TAOK3: variants seen among roughly 807,000 people sequenced by gnomAD.
The protein encoded by TAOK3 is TAO kinase 3.
Under a neutral mutation model 120.4 loss-of-function variants are expected in TAOK3, and 40 were observed. The ratio of observed to expected loss-of-function variants is 0.33; its 90% CI spans 0.26 to 0.43. The LOEUF is 0.43. TAOK3 is among the 20% of genes least tolerant of loss of function. TAOK3 has a pLI of 1.00. For missense variants in TAOK3, 821 were observed against 1,112.1 expected (o/e 0.74, Z 3.72); for synonymous variants, 355 against 387.5 (o/e 0.92, Z 0.99).
At chr12:118,360,158 G>A (rs571899091) in intron 1 of TAOK3, among the ~76,000 whole-genome samples, 7 of 152,074 alleles carry the variant, frequency 4.6e-5, no homozygotes, top group South Asian at 2.1e-4. Context: ...TCAGGTACTC[G>A]GGAGGCTGAG....
chr12:118,346,273 T>C (rs2044855018), intron 1 of TAOK3, among the ~76,000 whole-genome samples: 1 of 152,198 alleles, frequency 6.6e-6, no homozygotes, highest in Admixed American at 6.5e-5. Context: ...CCACATCTAC[T>C]CATTTACTAA....
Position 118,151,046 on chromosome 12 carries a change from C to T in TAOK3, c.2648G>A (p.Gly883Glu). Residue 883 changes from glycine (G) to glutamate (E), a missense_variant, in exon 21 of 21, where the codon GGA (glycine) becomes GAA (glutamate). Physicochemically the swap from Gly to Glu is moderately conservative, Grantham distance 98. This residue lies in a region of TAOK3 where 354 missense variants were observed against 572.1 expected (regional missense o/e 0.62). Transcript: ENST00000392533. The stretch of plus-strand genomic sequence containing the variant: ...ATCTAATGTAACCAAATTCCCAAAT[C>T]CCATTCTGAGGCTCTCCATGTCAAA... The part of the protein sequence containing the change: ...ETFDMESLRM[G>E]FGNLVTLDFP... 6.2e-7 allele frequency: 1 copy of T among 1,610,294 alleles called. No homozygotes were observed.
intron 1 of TAOK3, among the ~76,000 whole-genome samples, chr12:118,279,813 G>A (rs2042032856): frequency 6.7e-6 from 1 of 149,750 alleles, no homozygotes; most frequent in South Asian, 2.1e-4. Flanking sequence ...CAACCAGGCT[G>A]GAGTGCAGTG....
rs543768269 is a variant in TAOK3 at position 118,178,796 on chromosome 12, C to G, written c.1567-1467G>C. Among the ~76,000 whole-genome samples, 15 of 152,318 alleles carry G rather than the reference C, an allele frequency of 9.8e-5. No individual in the cohort carries two copies. The East Asian group carries it at 2.3e-3, about 24-fold the overall frequency. On this transcript the variant is annotated intron_variant, in intron 15 of 20. Transcript: ENST00000392533. ...AATCCACAACAGTCACACATCATGA[C>G]ATTTTTTGGGGTCCTAAATGAATAA...
intron 1 of TAOK3, among the ~76,000 whole-genome samples, chr12:118,333,597 A>G (rs2044239958): frequency 6.6e-6 from 1 of 152,144 alleles, no homozygotes; most frequent in African/African-American, 2.4e-5. Flanking sequence ...AGAGCAACAT[A>G]ACCCAAAGTA....
intron 9 of TAOK3, among the ~76,000 whole-genome samples, chr12:118,229,717 G>A (rs991973013): frequency 1.3e-4 from 20 of 152,174 alleles, no homozygotes; most frequent in African/African-American, 4.3e-4. Flanking sequence ...GGATCACAAG[G>A]TCAGGAGATT....
At chr12:118,169,326 CTT>C (rs913236418) in intron 17 of TAOK3, among the ~76,000 whole-genome samples, 8 of 80,630 alleles carry the variant, frequency 9.9e-5, no homozygotes, top group Middle Eastern at 0.011. Context: ...ACCCCCCCCC[CTT>C]TTTTTTTAAA....
At chr12:118,349,314 A>G (rs2141204597) in intron 1 of TAOK3, among the ~76,000 whole-genome samples, 1 of 152,386 alleles carries the variant, frequency 6.6e-6, no homozygotes, top group East Asian at 1.9e-4. Flanking sequence ...TTGTATATTT[A>G]CTGTCACAGA....
intron 1 of TAOK3, among the ~76,000 whole-genome samples, chr12:118,321,348 C>A (rs558679822): frequency 3.3e-5 from 5 of 152,220 alleles, no homozygotes; most frequent in African/African-American, 9.6e-5. Context: ...GCAACCTCGA[C>A]CTGCCAGGCT....
At chr12:118,283,411 G>T (rs1338871619) in intron 1 of TAOK3, among the ~76,000 whole-genome samples, 2 of 152,164 alleles carry the variant, frequency 1.3e-5, no homozygotes, top group African/African-American at 4.8e-5. Context: ...TAATGGAAGA[G>T]ACAGTATTTT....
chr12:118,298,128 C>G (rs899668801), intron 1 of TAOK3, among the ~76,000 whole-genome samples: 1 of 152,144 alleles, frequency 6.6e-6, no homozygotes, highest in African/African-American at 2.4e-5. Flanking sequence ...ACATATTACT[C>G]TGAAATGACC....
chr12:118,278,496 A>T (rs1261995927), intron 1 of TAOK3, among the ~76,000 whole-genome samples: 1 of 152,182 alleles, frequency 6.6e-6, no homozygotes, highest in Non-Finnish European at 1.5e-5. Context: ...ATGGCTGCAT[A>T]GTATTCCATG....
At chr12:118,168,104 A>C (rs1010589738) in intron 17 of TAOK3, among the ~76,000 whole-genome samples, 1 of 152,234 alleles carries the variant, frequency 6.6e-6, no homozygotes, top group South Asian at 2.1e-4. Flanking sequence ...ATAGAAAAAA[A>C]CCTAGAAATA....
chr12:118,307,014 C>T (rs1449201021), intron 1 of TAOK3, among the ~76,000 whole-genome samples: 1 of 152,086 alleles, frequency 6.6e-6, no homozygotes, highest in African/African-American at 2.4e-5. Flanking sequence ...CTAGAAACTA[C>T]AATGTTGGAC....
chr12:118,257,597 G>A (rs2041044574), intron 2 of TAOK3, among the ~76,000 whole-genome samples: 1 of 151,990 alleles, frequency 6.6e-6, no homozygotes, highest in African/African-American at 2.4e-5. Flanking sequence ...AACCAAGATA[G>A]AAATTTGGTT....
At chr12:118,321,062 A>T (rs911016971) in intron 1 of TAOK3, among the ~76,000 whole-genome samples, 3 of 152,234 alleles carry the variant, frequency 2.0e-5, no homozygotes, top group African/African-American at 7.2e-5. Context: ...AAACAACATT[A>T]AAAAAGATCA....
At chr12:118,199,003 G>T in intron 13 of TAOK3, 48 bp downstream of exon 13, 1 of 1,600,396 alleles carries the variant, frequency 6.2e-7, no homozygotes, top group Non-Finnish European at 8.6e-7. Flanking sequence ...AACTGGATTC[G>T]CTATGATTGA....
At chr12:118,312,841 T>C (rs1376361932) in intron 1 of TAOK3, among the ~76,000 whole-genome samples, 1 of 152,206 alleles carries the variant, frequency 6.6e-6, no homozygotes, top group Non-Finnish European at 1.5e-5. Flanking sequence ...TGTAGTATCA[T>C]GATCTAACAC....
chr12:118,160,076 A>G lies in TAOK3; in HGVS notation c.2352+70T>C. The G allele has an allele frequency of 7.9e-7, 1 of 1,270,580 alleles. No homozygotes were observed. The highest frequency in any genetic ancestry group is 1.7e-5 in the Admixed American group (1 of 57,632). The allele number at this position is 1,270,580 out of a possible 1,614,324, so 78.7% of individuals were successfully genotyped here. On this transcript the variant is annotated intron_variant, in intron 19 of 20. Transcript: ENST00000392533. The surrounding 1 kb of genome is among the most constrained non-coding windows in gnomAD (Gnocchi z 4.2). ...TTGTGCAAGAATCATCTTGGGAACA[A>G]CAGGCTGGATCTTGGATTTTCTTGA...
Sources: allele counts gnomAD v4.1 joint callset (sites outside exome capture counted in the v4.1 genomes callset), GRCh38; gene constraint gnomAD v4.1.1; regional missense constraint gnomAD v4.1.1; non-coding constraint Gnocchi (gnomAD v3.1); transcripts MANE v1.5; gene names NCBI Gene and HGNC (gene_info 2026-07-23, HGNC 2026-07-21).